The following UBE2E2 variants were observed in gnomAD, a reference collection of about 807,000 sequenced individuals.
UBE2E2 encodes the protein ubiquitin conjugating enzyme E2 E2.
In UBE2E2, 6 loss-of-function variants were observed where a neutral mutation model predicts 24.7. The ratio of observed to expected loss-of-function variants is 0.24; its 90% CI spans 0.13 to 0.48. The LOEUF (loss-of-function observed/expected upper bound fraction) is 0.48, where lower values mean the gene tolerates loss of function less well. Ranked by LOEUF, UBE2E2 falls within the 20% of genes least tolerant of loss-of-function variation. The pLI is 0.99. For synonymous variants in UBE2E2, 104 were observed against 83.6 expected (o/e 1.24, Z -1.33); for missense variants, 169 against 245.0 (o/e 0.69, Z 2.07).
At chr3:23,446,696 T>G (rs1056049612) in intron 3 of UBE2E2, among the ~76,000 whole-genome samples, 3 of 119,932 alleles carry the variant, frequency 2.5e-5, no homozygotes, top group Non-Finnish European at 5.1e-5. Flanking sequence ...ATCCGTCTGT[T>G]TGGTTTTTTT....
chr3:23,510,795 C>T (rs542389277), intron 4 of UBE2E2, among the ~76,000 whole-genome samples: 3 of 152,174 alleles, frequency 2.0e-5, no homozygotes, highest in African/African-American at 4.8e-5. Flanking sequence ...TTTTAAGGCT[C>T]ATTTATAAAG....
chr3:23,278,794 T>C (rs925960350), intron 3 of UBE2E2, among the ~76,000 whole-genome samples: 1 of 152,166 alleles, frequency 6.6e-6, no homozygotes, highest in Non-Finnish European at 1.5e-5. Context: ...TGATTCATGG[T>C]AGAATTCAGC....
intron 3 of UBE2E2, among the ~76,000 whole-genome samples, chr3:23,306,126 C>A (rs150278658): frequency 6.6e-6 from 1 of 152,116 alleles, no homozygotes; most frequent in Non-Finnish European, 1.5e-5. Context: ...ACCTACGTGG[C>A]CACTGAAATA....
chr3:23,319,239 T>A (rs887376528), intron 3 of UBE2E2, among the ~76,000 whole-genome samples: 1 of 152,218 alleles, frequency 6.6e-6, no homozygotes, highest in Non-Finnish European at 1.5e-5. Context: ...GAATTGTGTT[T>A]ATTTATTTAT....
At chr3:23,432,150 C>T (rs181205035) in intron 3 of UBE2E2, among the ~76,000 whole-genome samples, 3 of 152,234 alleles carry the variant, frequency 2.0e-5, no homozygotes, top group Admixed American at 2.0e-4. Flanking sequence ...GTAATTATAT[C>T]ACAAGCAGTC....
intron 5 of UBE2E2, among the ~76,000 whole-genome samples, chr3:23,535,863 C>A (rs1246990046): frequency 1.3e-5 from 2 of 152,062 alleles, no homozygotes; most frequent in Non-Finnish European, 2.9e-5. Flanking sequence ...CCTCGTGATC[C>A]GCCCGCCTCG....
chr3:23,460,023 A>G (rs1232807007), intron 3 of UBE2E2, among the ~76,000 whole-genome samples: 3 of 152,192 alleles, frequency 2.0e-5, no homozygotes, highest in African/African-American at 7.2e-5. Flanking sequence ...CTGTTTTCCA[A>G]ATGAAGAATT....
chr3:23,301,234 C>T (rs1044773264), intron 3 of UBE2E2, among the ~76,000 whole-genome samples: 1 of 151,994 alleles, frequency 6.6e-6, no homozygotes, highest in Non-Finnish European at 1.5e-5. Context: ...TTCGTATTTC[C>T]TCCTGTAGCT....
At position 23,293,061 on chromosome 3, in the gene UBE2E2, G is replaced by A. The variant is rs182803812; in HGVS notation, c.227+75749G>A. ...GCACTCCAGCCTGGGCAACAAGAGC[G>A]AAACTCCGTCTCAAAAAAATCAGGA... is the stretch of plus-strand genomic sequence containing the variant. On this transcript the variant is annotated intron_variant, in intron 3 of 5. Transcript: ENST00000396703. Among the ~76,000 whole-genome samples, 366 of 152,272 alleles carry A rather than the reference G, an allele frequency of 2.4e-3. 3 individuals carry two copies. The highest frequency in any genetic ancestry group is 8.3e-3 in the African/African-American group (343 of 41,544).
At chr3:23,419,901 A>G (rs1383412398) in intron 3 of UBE2E2, among the ~76,000 whole-genome samples, 2 of 152,194 alleles carry the variant, frequency 1.3e-5, no homozygotes, top group Non-Finnish European at 2.9e-5. Flanking sequence ...GCAGAAGTCC[A>G]AGGGTCTTCT....
intron 3 of UBE2E2, among the ~76,000 whole-genome samples, chr3:23,442,137 C>T (rs1356816351): frequency 6.6e-6 from 1 of 151,928 alleles, no homozygotes; most frequent in Admixed American, 6.5e-5. Context: ...TAATAAAGAC[C>T]TCATTAAACA....
intron 3 of UBE2E2, among the ~76,000 whole-genome samples, chr3:23,389,001 C>A (rs78438830): frequency 7.9e-6 from 1 of 126,634 alleles, no homozygotes. Context: ...GACTCCATTT[C>A]CAAAAAAAAA....
At chr3:23,425,019 G>A (rs917583511) in intron 3 of UBE2E2, among the ~76,000 whole-genome samples, 3 of 152,120 alleles carry the variant, frequency 2.0e-5, no homozygotes, top group Non-Finnish European at 2.9e-5. Context: ...TAGAAAATTA[G>A]TATAATAAAG....
chr3:23,216,187 C>T (rs529531599), intron 2 of UBE2E2, among the ~76,000 whole-genome samples: 2 of 152,150 alleles, frequency 1.3e-5, no homozygotes, highest in African/African-American at 2.4e-5. Context: ...CATAATGCCT[C>T]GCCAACCTTG....
intron 3 of UBE2E2, among the ~76,000 whole-genome samples, chr3:23,222,751 G>A (rs961494547): frequency 6.6e-6 from 1 of 152,106 alleles, no homozygotes; most frequent in African/African-American, 2.4e-5. Context: ...GGAATTGCTG[G>A]ATCATATGGA....
chr3:23,569,302 G>A (rs1696167500), intron 5 of UBE2E2, among the ~76,000 whole-genome samples: 1 of 152,186 alleles, frequency 6.6e-6, no homozygotes, highest in African/African-American at 2.4e-5. Context: ...TTGATTAGTA[G>A]ATACCCAGAC....
chr3:23,291,992 G>A (rs1698780098), intron 3 of UBE2E2, among the ~76,000 whole-genome samples: 1 of 151,488 alleles, frequency 6.6e-6, no homozygotes, highest in Non-Finnish European at 1.5e-5. Flanking sequence ...CCGAGTAGCT[G>A]GGACTACAGG....
chr3:23,516,811 T>C lies in UBE2E2; in HGVS notation c.361-15743T>C, dbSNP rs895793592. 2.0e-5 allele frequency among the ~76,000 whole-genome samples: 3 copies of C among 152,130 alleles called. No individual in the cohort carries two copies. In the East Asian group the frequency reaches 5.8e-4, roughly 29 times the overall value. ...ATACCTGAGAAATGAGTCTTATTAA[T>C]TTAAAGTTTTACAACATCTAGCTAA... is the stretch of plus-strand genomic sequence containing the variant. On this transcript the variant is annotated intron_variant, in intron 4 of 5. Coordinates refer to ENST00000396703, the MANE Select transcript of UBE2E2 (RefSeq NM_152653.4).
At chr3:23,241,696 A>G (rs572722841) in intron 3 of UBE2E2, among the ~76,000 whole-genome samples, 11 of 151,970 alleles carry the variant, frequency 7.2e-5, no homozygotes, top group Non-Finnish European at 1.5e-4. Flanking sequence ...ATTTACTTCT[A>G]TCAGTTTCTT....
Sources: gnomAD v4.1 joint callset for allele counts (sites outside exome capture counted in the v4.1 genomes callset) on GRCh38, gnomAD v4.1.1 for gene constraint, MANE v1.5 for transcripts, NCBI Gene and HGNC (gene_info 2026-07-23, HGNC 2026-07-21) for gene names.